The following LMBR1 variants were observed in gnomAD, a reference collection of about 807,000 sequenced individuals.
LMBR1 encodes limb development membrane protein 1.
Under a neutral mutation model 73.9 loss-of-function variants are expected in LMBR1, and 52 were observed. The ratio of observed to expected loss-of-function variants is 0.70; its 90% CI spans 0.56 to 0.89. The LOEUF is 0.89. Ranked by LOEUF, LMBR1 falls within the 40% of genes least tolerant of loss-of-function variation. The pLI is 0.00. For missense variants in LMBR1, 539 were observed against 579.8 expected (o/e 0.93, Z 0.72); for synonymous variants, 215 against 209.4 (o/e 1.03, Z -0.23).
chr7:156,745,157 C>CT (rs1819607829), intron 9 of LMBR1, among the ~76,000 whole-genome samples: 1 of 152,262 alleles, frequency 6.6e-6, no homozygotes, highest in African/African-American at 2.4e-5. Context: ...AAGACTATTT[C>CT]TTTTTTTGTT....
intron 15 of LMBR1, among the ~76,000 whole-genome samples, chr7:156,712,805 T>C (rs1016979138): frequency 6.6e-6 from 1 of 152,158 alleles, no homozygotes; most frequent in South Asian, 2.1e-4. Flanking sequence ...AGCCAAATAA[T>C]GCATTCACAT....
chr7:156,811,615 A>G (rs1331295136), intron 4 of LMBR1, among the ~76,000 whole-genome samples: 1 of 152,126 alleles, frequency 6.6e-6, no homozygotes, highest in Non-Finnish European at 1.5e-5. Flanking sequence ...TCTCAAAAAA[A>G]AAAAAGAATT....
At position 156,763,792 on chromosome 7, in the gene LMBR1, T is replaced by C. The variant is rs777915846; in HGVS notation, c.427A>G (p.Ile143Val). 6.3e-7 allele frequency: 1 copy of C among 1,586,944 alleles called. No individual in the cohort carries two copies. Among genetic ancestry groups the C allele is most frequent in the East Asian group, 2.3e-5 (1 of 43,546 alleles). ...SEGFAGLKKGIRARILETLVM... is the reference protein window; with the variant it reads ...SEGFAGLKKGVRARILETLVM... Reference sequence around the variant, plus strand: ...AAAGTCTCTAAAATGCGGGCTCGGATTCCCTGAAAAATAGAGTAGAAATAT... The same window carrying C: ...AAAGTCTCTAAAATGCGGGCTCGGACTCCCTGAAAAATAGAGTAGAAATAT... The change falls in exon 6 of 17, where the codon ATC (isoleucine) becomes GTC (valine). Residue 143 changes from isoleucine (I) to valine (V), a missense_variant. By Grantham distance (29) the Ile-to-Val change is conservative. Around this residue, in one of 3 missense-constraint regions of LMBR1, gnomAD observed 454 missense variants for 473.4 expected, o/e 0.96. Transcript: ENST00000353442.
chr7:156,796,242 T>A, intron 5 of LMBR1, 147 bp downstream of exon 5: 3 of 590,576 alleles, frequency 5.1e-6, no homozygotes, highest in Non-Finnish European at 9.0e-6. Flanking sequence ...AGAATTACTG[T>A]TATTGTTAAC....
chr7:156,892,771 G>A, intron 1 of LMBR1, among the ~76,000 whole-genome samples, 157 bp downstream of exon 1: 1 of 123,760 alleles, frequency 8.1e-6, no homozygotes, highest in African/African-American at 2.9e-5. Context: ...GAGGGGAGGG[G>A]AGAGGAGGGG....
chr7:156,698,968 TTTTAAATGTTTTATG>T (rs1273098709), intron 15 of LMBR1, among the ~76,000 whole-genome samples: 1 of 152,250 alleles, frequency 6.6e-6, no homozygotes, highest in African/African-American at 2.4e-5. Context: ...TGCCTTAATG[TTTTAAATGTTTTATG>T]TTTAAATGTT....
chr7:156,684,404 G>A (rs1020343828), intron 16 of LMBR1, among the ~76,000 whole-genome samples: 3 of 152,136 alleles, frequency 2.0e-5, no homozygotes, highest in African/African-American at 7.2e-5. Context: ...GACAGCACGT[G>A]AGGGTCCTAA....
At chr7:156,726,452 C>T (rs1263842626) in intron 12 of LMBR1, among the ~76,000 whole-genome samples, 1 of 151,366 alleles carries the variant, frequency 6.6e-6, no homozygotes, top group Non-Finnish European at 1.5e-5. Flanking sequence ...ACTATCTTTA[C>T]CTAGAACTTA....
chr7:156,746,010 C>A (rs1472287598), intron 9 of LMBR1, among the ~76,000 whole-genome samples: 1 of 152,138 alleles, frequency 6.6e-6, no homozygotes, highest in Non-Finnish European at 1.5e-5. Flanking sequence ...GAGTTTCTGG[C>A]AGCCACAGCA....
chr7:156,869,481 G>C (rs1460583035), intron 1 of LMBR1, among the ~76,000 whole-genome samples: 1 of 151,478 alleles, frequency 6.6e-6, no homozygotes, highest in Non-Finnish European at 1.5e-5. Flanking sequence ...AATTTAAGAA[G>C]GAAAGAACAT....
intron 9 of LMBR1, among the ~76,000 whole-genome samples, chr7:156,738,361 C>G (rs191573196): frequency 1.3e-5 from 2 of 152,222 alleles, no homozygotes; most frequent in Non-Finnish European, 2.9e-5. Flanking sequence ...CTCACCACAA[C>G]GGGCTACAGT....
intron 15 of LMBR1, among the ~76,000 whole-genome samples, chr7:156,693,005 G>A (rs537062508): frequency 9.0e-4 from 136 of 151,948 alleles, no homozygotes; most frequent in African/African-American, 2.9e-3. Flanking sequence ...AGGATTAATG[G>A]CAGATTAGAC....
intron 1 of LMBR1, among the ~76,000 whole-genome samples, chr7:156,847,772 G>C (rs1208978310): frequency 6.6e-6 from 1 of 152,182 alleles, no homozygotes; most frequent in Non-Finnish European, 1.5e-5. Context: ...ACCAAATGCT[G>C]GTGAGGATGT....
intron 10 of LMBR1, among the ~76,000 whole-genome samples, chr7:156,730,179 C>T (rs1057225814): frequency 3.9e-5 from 6 of 152,152 alleles, no homozygotes; most frequent in African/African-American, 1.4e-4. Context: ...AGGCTATGAT[C>T]ATACAGAAAA....
intron 5 of LMBR1, 58 bp downstream of exon 5, chr7:156,796,331 G>T: frequency 9.0e-7 from 1 of 1,116,024 alleles, no homozygotes; most frequent in Non-Finnish European, 1.3e-6. Flanking sequence ...CTAGTTCAAT[G>T]TGAATGATAT....
At chr7:156,725,309 T>G in intron 14 of LMBR1, 126 bp downstream of exon 14, 1 of 600,060 alleles carries the variant, frequency 1.7e-6, no homozygotes, top group Non-Finnish European at 3.0e-6. Flanking sequence ...TCTTCCAGTT[T>G]GTGTTTACGC....
At chr7:156,833,896 G>C (rs1236495152) in intron 2 of LMBR1, 104 bp from the exon 3 acceptor site, 2 of 724,188 alleles carry the variant, frequency 2.8e-6, no homozygotes, top group East Asian at 5.8e-5. Context: ...GGCAATTATT[G>C]AACAGAAACA....
intron 5 of LMBR1, among the ~76,000 whole-genome samples, chr7:156,771,598 C>A (rs1229659733): frequency 6.6e-6 from 1 of 152,072 alleles, no homozygotes; most frequent in East Asian, 1.9e-4. Context: ...AATAAAAAGC[C>A]AACTGACTAG....
chr7:156,892,859 C>A, intron 1 of LMBR1, 69 bp downstream of exon 1: 5 of 1,242,710 alleles, frequency 4.0e-6, no homozygotes, highest in South Asian at 3.5e-5. Flanking sequence ...GGACCGGGGG[C>A]CCGGGGGCGG....
Sources: allele counts gnomAD v4.1 joint callset (sites outside exome capture counted in the v4.1 genomes callset), GRCh38; gene constraint gnomAD v4.1.1; regional missense constraint gnomAD v4.1.1; transcripts MANE v1.5; gene names NCBI Gene and HGNC (gene_info 2026-07-23, HGNC 2026-07-21).